The following PTPRQ variants were observed in gnomAD, a reference collection of about 807,000 sequenced individuals.
PTPRQ encodes phosphatidylinositol phosphatase PTPRQ.
PTPRQ carries 199 observed loss-of-function variants against 246.0 expected under a neutral mutation model. The ratio of observed to expected loss-of-function variants is 0.81; its 90% confidence interval spans 0.72 to 0.91. The LOEUF is 0.91. Among genes scored for constraint, PTPRQ ranks in the 40% least tolerant of loss-of-function variants. The pLI is 0.00. For missense variants in PTPRQ, 2,624 were observed against 2,528.4 expected (o/e 1.04, Z -0.81); for synonymous variants, 869 against 853.2 (o/e 1.02, Z -0.32).
chr12:80,484,614 T>C lies in PTPRQ; in HGVS notation c.1359+9T>C, dbSNP rs1464153521. 1.4e-5 allele frequency: 21 copies of C among 1,548,250 alleles called. No individual in the cohort carries two copies. The highest frequency in any genetic ancestry group is 1.7e-5 in the Non-Finnish European group (19 of 1,146,222). On this transcript the variant is annotated intron_variant, in intron 9 of 44. Transcript: ENST00000644991. ...TCACTGGAAATAATGAGGTATTGCA[T>C]TTTTATTTCACTTATTGGTGAACCC...
Position 80,542,356 on chromosome 12 carries a change from A to T in PTPRQ, c.3713A>T (p.Asp1238Val), listed in dbSNP as rs1440655949. 1.3e-6 allele frequency: 2 copies of T among 1,534,288 alleles called. No homozygotes were observed. Among genetic ancestry groups the T allele is most frequent in the Non-Finnish European group, 1.7e-6 (2 of 1,143,158 alleles). ...TCCAGTATTCTTTTCTTTTACACAG[A>T]TGAGTCAGGTAAGCCAGAATCCACA... ...GPSSILFFYT[D>V]ESVPLAPPQN... Residue 1238 changes from aspartate (D) to valine (V), a missense_variant, in exon 22 of 45, where the codon GAT becomes GTT. Coordinates refer to ENST00000644991, the MANE Select transcript of PTPRQ (RefSeq NM_001145026.2).
intron 25 of PTPRQ, among the ~76,000 whole-genome samples, chr12:80,573,863 A>T (rs917315767): frequency 6.6e-6 from 1 of 151,986 alleles, no homozygotes; most frequent in South Asian, 2.1e-4. Context: ...GATCATTATG[A>T]TTTTCTTGCT....
intron 17 of PTPRQ, among the ~76,000 whole-genome samples, chr12:80,520,093 T>A (rs548355641): frequency 1.3e-5 from 2 of 152,242 alleles, no homozygotes; most frequent in South Asian, 4.1e-4. Flanking sequence ...GTTTATAATT[T>A]GGTATCTTAT....
chr12:80,526,477 G>A (rs1895690509), intron 17 of PTPRQ, among the ~76,000 whole-genome samples: 1 of 152,098 alleles, frequency 6.6e-6, no homozygotes, highest in Non-Finnish European at 1.5e-5. Flanking sequence ...AGGTGAAGGT[G>A]ATTTCACAGA....
chr12:80,459,549 A>G (rs1893084224), intron 5 of PTPRQ, 66 bp downstream of exon 5: 1 of 397,554 alleles, frequency 2.5e-6, no homozygotes, highest in African/African-American at 2.1e-5. Context: ...TCATATTTCT[A>G]GCATCTAGAT....
intron 36 of PTPRQ, 97 bp from the exon 37 acceptor site, chr12:80,649,491 T>TTAACTTGTTAATGGA (rs1900186035): frequency 7.0e-7 from 1 of 1,423,140 alleles, no homozygotes; most frequent in African/African-American, 1.5e-5. Context: ...GGGATGTCCA[T>TTAACTTGTTAATGGA]TGTTCTTTAA....
At chr12:80,642,814 G>T (rs948568876) in intron 35 of PTPRQ, among the ~76,000 whole-genome samples, 1 of 149,006 alleles carries the variant, frequency 6.7e-6, no homozygotes, top group African/African-American at 2.5e-5. Context: ...CAGCTACTCG[G>T]GAGGCTGAGG....
At chr12:80,563,616 C>G (rs941122379) in intron 25 of PTPRQ, among the ~76,000 whole-genome samples, 1 of 152,092 alleles carries the variant, frequency 6.6e-6, no homozygotes, top group African/African-American at 2.4e-5. Context: ...GGGTAGAAAT[C>G]CGGGTTTCCA....
At chr12:80,567,186 T>G (rs2120939878) in intron 25 of PTPRQ, among the ~76,000 whole-genome samples, 1 of 152,330 alleles carries the variant, frequency 6.6e-6, no homozygotes, top group South Asian at 2.1e-4. Flanking sequence ...ATGAGAAATA[T>G]AGTAAAGCCC....
At chr12:80,529,095 A>G (rs1592619289) in intron 17 of PTPRQ, among the ~76,000 whole-genome samples, 1 of 152,210 alleles carries the variant, frequency 6.6e-6, no homozygotes, top group African/African-American at 2.4e-5. Flanking sequence ...GTTTGGGATT[A>G]TTTAATACAT....
chr12:80,507,976 T>G (rs7969674), intron 16 of PTPRQ, among the ~76,000 whole-genome samples: 48,682 of 151,840 alleles, frequency 0.32, 9,063 homozygotes, highest in African/African-American at 0.51. Flanking sequence ...TAATCAAAAG[T>G]TCCTAATGGT....
intron 38 of PTPRQ, among the ~76,000 whole-genome samples, chr12:80,657,421 A>G (rs1287060566): frequency 1.3e-5 from 2 of 151,840 alleles, no homozygotes; most frequent in Admixed American, 1.3e-4. Context: ...AACAATTGAG[A>G]AATGTTTTTC....
Position 80,673,319 on chromosome 12 carries a change from C to T in PTPRQ, c.6738+15C>T, listed in dbSNP as rs992489418. The T allele has an allele frequency of 4.5e-6, 7 of 1,540,654 alleles. No individual in the cohort carries two copies. In the African/African-American group the frequency reaches 5.5e-5, roughly 12 times the overall value. On this transcript the variant is annotated intron_variant, in intron 43 of 44. Coordinates refer to ENST00000644991, the MANE Select transcript of PTPRQ (RefSeq NM_001145026.2). ...TGCAGAATCTGGTAAGATCTCTAAA[C>T]CTGCACTGCATTCTAAAGTTCTAGA...
rs572195870 is a variant in PTPRQ, at chr12:80,460,848, G to C, written c.856G>C (p.Ala286Pro). The C allele has an allele frequency of 3.5e-5, 14 of 400,682 alleles. No individual in the cohort carries two copies. In the East Asian group the frequency reaches 4.6e-4, roughly 13 times the overall value. 24.8% of individuals were successfully genotyped at this position (400,682 alleles called of 1,614,324 possible). Residue 286 changes from alanine (A) to proline (P), a missense_variant, in exon 6 of 45, where the codon GCT (alanine) becomes CCT (proline). By Grantham distance (27) the Ala-to-Pro change is conservative. Transcript: ENST00000644991. ...YTTYLFEVSA[A>P]TTEAGYIDST... is the part of the protein sequence containing the mutation. ...AACATATCTTTTTGAAGTTTCAGCT[G>C]CTACAACTGAAGCAGGTTATATTGA...
rs910541705 is a variant in PTPRQ, at chr12:80,539,801, A to G, written c.3011A>G (p.Asn1004Ser). ...AATTTTACACTCCATGAAGTAACCA[A>G]TGACTTTGACAATATGACTGTATCC... Reference protein sequence around the residue: ...MQNFTLHEVTNDFDNMTVSTI... With the variant: ...MQNFTLHEVTSDFDNMTVSTI... The change falls in exon 20 of 45, where the codon AAT becomes AGT. Residue 1004 changes from asparagine (N) to serine (S), a missense_variant. Physicochemically the swap from Asn to Ser is conservative, Grantham distance 46. Transcript: ENST00000644991. 2.6e-6 allele frequency: 4 copies of G among 1,546,724 alleles called. No homozygotes were observed. Among genetic ancestry groups the G allele is most frequent in the African/African-American group, 2.7e-5 (2 of 72,882 alleles).
chr12:80,616,315 T>C (rs773430597), intron 30 of PTPRQ, 49 bp downstream of exon 30: 42 of 1,424,732 alleles, frequency 2.9e-5, no homozygotes, highest in Middle Eastern at 2.2e-4. Context: ...TCAGTGATTA[T>C]AATTTAAATT....
chr12:80,663,878 A>G (rs951658016), intron 39 of PTPRQ, among the ~76,000 whole-genome samples: 2 of 151,814 alleles, frequency 1.3e-5, no homozygotes, highest in African/African-American at 4.8e-5. Flanking sequence ...TAATTCTTCA[A>G]CCCTGCTCTG....
chr12:80,510,450 A>T lies in PTPRQ; in HGVS notation c.2678+7A>T. Reference sequence around the variant, plus strand: ...ATTACACAGTTTATGTCTGGTAATAATTTTTTTTTTGGAAATAGTTCTGAG... The same window carrying T: ...ATTACACAGTTTATGTCTGGTAATATTTTTTTTTTTGGAAATAGTTCTGAG... On this transcript the variant is annotated splice_region_variant and intron_variant, in intron 17 of 44. Coordinates refer to ENST00000644991, the MANE Select transcript of PTPRQ (RefSeq NM_001145026.2). The T allele has an allele frequency of 2.1e-6, 3 of 1,424,438 alleles. No individual in the cohort carries two copies. The highest frequency in any genetic ancestry group is 2.2e-5 in the Admixed American group (1 of 44,578). The allele number at this position is 1,424,438 out of a possible 1,614,324, so 88.2% of individuals were successfully genotyped here. A position where few individuals can be genotyped will look rare whatever the true frequency, so the allele number is the denominator to read the frequency against.
In PTPRQ at chr12:80,605,124, T is replaced by A; in HGVS notation, c.4675T>A (p.Trp1559Arg). ...ATSPFSISIS[W>R]SEPAVITGPT... Reference sequence around the variant, plus strand: ...ATCACCTTTTAGCATCAGCATAAGCTGGAGTGAACCTGCTGTCATTACTGG... The same window carrying A: ...ATCACCTTTTAGCATCAGCATAAGCAGGAGTGAACCTGCTGTCATTACTGG... The change falls in exon 27 of 45, where the codon TGG becomes AGG. Residue 1559 changes from tryptophan (W) to arginine (R), a missense_variant. Transcript: ENST00000644991. The A allele has an allele frequency of 1.3e-6, 2 of 1,545,810 alleles. No homozygotes were observed. Among genetic ancestry groups the A allele is most frequent in the Non-Finnish European group, 8.7e-7 (1 of 1,143,388 alleles).
Sources: allele counts gnomAD v4.1 joint callset (sites outside exome capture counted in the v4.1 genomes callset), GRCh38; gene constraint gnomAD v4.1.1; transcripts MANE v1.5; gene names NCBI Gene and HGNC (gene_info 2026-07-23, HGNC 2026-07-21).